The following MYZAP variants were observed in gnomAD, a reference collection of about 807,000 sequenced individuals.
MYZAP encodes GRINL1A complex locus upstream.
A neutral mutation model predicts 69.4 loss-of-function variants in MYZAP; 66 were observed. The ratio of observed to expected loss-of-function variants is 0.95; its 90% confidence interval spans 0.78 to 1.17. The LOEUF (loss-of-function observed/expected upper bound fraction) is 1.17. Among genes scored for constraint, MYZAP ranks in the 50% most tolerant of loss-of-function variants. MYZAP has a pLI of 0.00. For synonymous variants in MYZAP, 256 were observed against 205.9 expected (o/e 1.24, Z -2.09); for missense variants, 611 against 556.2 (o/e 1.10, Z -0.99).
chr15:57,628,422 A>G (rs1374324258), intron 5 of MYZAP, among the ~76,000 whole-genome samples: 1 of 152,074 alleles, frequency 6.6e-6, no homozygotes, highest in African/African-American at 2.4e-5. Context: ...GGTACACACA[A>G]CCATGTCTAG....
At chr15:57,650,189 A>AGTT (rs2037658870) in intron 10 of MYZAP, among the ~76,000 whole-genome samples, 1 of 152,116 alleles carries the variant, frequency 6.6e-6, no homozygotes, top group Non-Finnish European at 1.5e-5. Flanking sequence ...GTCAAGCTGG[A>AGTT]GTTGTTTCCC....
At chr15:57,668,885 TATA>T (rs1365155056) in intron 11 of MYZAP, among the ~76,000 whole-genome samples, 8 of 127,394 alleles carry the variant, frequency 6.3e-5, no homozygotes, top group African/African-American at 2.8e-4. Context: ...TATATATATA[TATA>T]TATATATTTT....
intron 2 of MYZAP, among the ~76,000 whole-genome samples, chr15:57,605,170 A>C (rs1419589857): frequency 6.6e-6 from 1 of 152,184 alleles, no homozygotes; most frequent in East Asian, 1.9e-4. Context: ...GGAATATAGT[A>C]GGGAACAAAG....
intron 2 of MYZAP, among the ~76,000 whole-genome samples, chr15:57,609,310 T>A (rs1164474847): frequency 2.6e-5 from 4 of 152,216 alleles, no homozygotes; most frequent in Non-Finnish European, 5.9e-5. Context: ...CCGAAAGTAT[T>A]CTGTCACGGT....
At chr15:57,643,885 G>A (rs1595902944) in intron 10 of MYZAP, among the ~76,000 whole-genome samples, 1 of 152,012 alleles carries the variant, frequency 6.6e-6, no homozygotes, top group East Asian at 1.9e-4. Context: ...CTTTTCATTT[G>A]CAGAGGAGGC....
chr15:57,676,557 G>A (rs2039145664), intron 12 of MYZAP, among the ~76,000 whole-genome samples: 2 of 151,134 alleles, frequency 1.3e-5, no homozygotes, highest in Admixed American at 6.6e-5. Context: ...TGTGTACAGA[G>A]ACCTTTTTGA....
intron 10 of MYZAP, among the ~76,000 whole-genome samples, chr15:57,642,505 A>ATT (rs2037218465): frequency 6.6e-6 from 1 of 152,168 alleles, no homozygotes; most frequent in South Asian, 2.1e-4. Flanking sequence ...AGTGTAGCGG[A>ATT]TGTTAAGGAC....
At chr15:57,605,879 C>G (rs2034711105) in intron 2 of MYZAP, among the ~76,000 whole-genome samples, 1 of 151,992 alleles carries the variant, frequency 6.6e-6, no homozygotes, top group African/African-American at 2.4e-5. Flanking sequence ...AAAATGGGAA[C>G]AGCTGGAGCA....
intron 10 of MYZAP, among the ~76,000 whole-genome samples, chr15:57,640,798 C>G (rs1199030109): frequency 4.6e-5 from 7 of 152,168 alleles, no homozygotes; most frequent in African/African-American, 1.2e-4. Flanking sequence ...GGTTCACACA[C>G]AAGTTTCTGG....
At position 57,681,574 on chromosome 15, in the gene MYZAP, A is replaced by G. The variant is rs145772265; in HGVS notation, c.1305-2828A>G. 1.9e-3 allele frequency among the ~76,000 whole-genome samples: 288 copies of G among 152,306 alleles called. 1 individual carries two copies. Among genetic ancestry groups the G allele is most frequent in the African/African-American group, 6.4e-3 (267 of 41,566 alleles). Reference sequence around the variant, plus strand: ...CGAGTTGGGCGGATCATTTGAGGCCAGGGGTTCAAGACCAGACTGGCCCAC... The same window carrying G: ...CGAGTTGGGCGGATCATTTGAGGCCGGGGGTTCAAGACCAGACTGGCCCAC... On this transcript the variant is annotated intron_variant, in intron 12 of 12. Transcript: ENST00000267853.
At chr15:57,621,567 G>A (rs768848968) in intron 3 of MYZAP, 41 bp from the exon 4 acceptor site, 5 of 1,599,250 alleles carry the variant, frequency 3.1e-6, no homozygotes, top group African/African-American at 2.7e-5. Flanking sequence ...GTATGAAAAT[G>A]TTATGGCTTG....
chr15:57,680,516 C>CACGG (rs2039382056), intron 12 of MYZAP, among the ~76,000 whole-genome samples: 1 of 113,622 alleles, frequency 8.8e-6, no homozygotes, highest in African/African-American at 4.3e-5. Flanking sequence ...CACACACACA[C>CACGG]AAATGTATGT....
chr15:57,648,172 A>G, intron 10 of MYZAP: 1 of 985,098 alleles, frequency 1.0e-6, no homozygotes, highest in Non-Finnish European at 1.2e-6. Context: ...TTTAGAAGGT[A>G]TCAGCACAAT....
chr15:57,602,386 C>T (rs1447940838), intron 1 of MYZAP, among the ~76,000 whole-genome samples: 1 of 152,072 alleles, frequency 6.6e-6, no homozygotes, highest in Non-Finnish European at 1.5e-5. Context: ...GTTGATGGGT[C>T]GTCTTAATGT....
chr15:57,593,320 A>T (rs1237128360), intron 1 of MYZAP, among the ~76,000 whole-genome samples: 2 of 152,080 alleles, frequency 1.3e-5, no homozygotes, highest in Non-Finnish European at 2.9e-5. Context: ...GGGGTTTCCA[A>T]CCACAGTCCT....
At chr15:57,628,674 C>T (rs776955988) in intron 5 of MYZAP, among the ~76,000 whole-genome samples, 2 of 152,248 alleles carry the variant, frequency 1.3e-5, no homozygotes, top group African/African-American at 2.4e-5. Context: ...TTCTTTATTA[C>T]TACCCTTCTC....
chr15:57,634,488 C>T (rs1297806210), intron 8 of MYZAP, among the ~76,000 whole-genome samples: 1 of 152,170 alleles, frequency 6.6e-6, no homozygotes, highest in Non-Finnish European at 1.5e-5. Flanking sequence ...ACATTATTAG[C>T]ACCCTGTGAC....
At chr15:57,593,188 G>GCATGCGCGCGCGCGCGCGCGCGCACA in intron 1 of MYZAP, among the ~76,000 whole-genome samples, 3 of 114,152 alleles carry the variant, frequency 2.6e-5, no homozygotes, top group South Asian at 3.4e-4. Context: ...GTACACAGGC[G>GCATGCGCGCGCGCGCGCGCGCGCACA]CACACACACA....
intron 1 of MYZAP, among the ~76,000 whole-genome samples, chr15:57,593,214 A>ACACACACC (rs1172761785): frequency 0.061 from 8,587 of 141,154 alleles, 347 homozygotes; most frequent in Admixed American, 0.093. Context: ...ACACACACAC[A>ACACACACC]CCCCAGAATC....
Sources: allele counts gnomAD v4.1 joint callset (sites outside exome capture counted in the v4.1 genomes callset), GRCh38; gene constraint gnomAD v4.1.1; transcripts MANE v1.5; gene names NCBI Gene and HGNC (gene_info 2026-07-23, HGNC 2026-07-21).